RPH3AL: variants seen among roughly 807,000 people sequenced by gnomAD.
RPH3AL encodes rab effector Noc2.
RPH3AL carries 38 observed loss-of-function variants against 43.1 expected under a neutral mutation model. The ratio of observed to expected loss-of-function variants is 0.88; its 90% CI spans 0.68 to 1.15. The LOEUF is 1.15. Ranked by LOEUF, RPH3AL falls within the 50% of genes most tolerant of loss-of-function variation. RPH3AL has a pLI of 0.00. For synonymous variants in RPH3AL, 189 were observed against 176.3 expected, an observed-to-expected ratio of 1.07 and a Z score of -0.57; for missense variants, 462 against 423.2, an observed-to-expected ratio of 1.09 and a Z score of -0.81.
intron 6 of RPH3AL, among the ~76,000 whole-genome samples, chr17:270,827 G>A (rs1230816952): frequency 6.6e-6 from 1 of 152,198 alleles, no homozygotes; most frequent in South Asian, 2.1e-4. Flanking sequence ...TGCTTTTGGT[G>A]TTTTAGACAT....
intron 6 of RPH3AL, among the ~76,000 whole-genome samples, chr17:263,874 C>T (rs2042257175): frequency 2.0e-5 from 3 of 152,192 alleles, no homozygotes; most frequent in Admixed American, 6.5e-5. Context: ...CCCACCTAAC[C>T]GCCCGGAGTC....
At chr17:242,584 A>G (rs1286199556) in intron 7 of RPH3AL, among the ~76,000 whole-genome samples, 1 of 127,280 alleles carries the variant, frequency 7.9e-6, no homozygotes, top group Non-Finnish European at 1.6e-5. Context: ...ACCTTCCTCT[A>G]TTGACTACCT....
chr17:253,742 C>T (rs9910735), intron 6 of RPH3AL, among the ~76,000 whole-genome samples: 8,697 of 45,644 alleles, frequency 0.19, 1,121 homozygotes, highest in East Asian at 0.4. Flanking sequence ...TCCCTAGGAA[C>T]GTGACTACCC....
At position 247,159 on chromosome 17, in the gene RPH3AL, G is replaced by C. The variant is rs139915149; in HGVS notation, c.565C>G (p.Pro189Ala). Reference protein sequence around the residue: ...PLPTEPAEREPRSSETSRIYT... With the variant: ...PLPTEPAEREARSSETSRIYT... ...ATGCGGCTGGTCTCAGAGCTTCTGG[G>C]CTCTCGCTCTGCCGGTTCCGTGGGC... Residue 189 changes from proline (P) to alanine (A), a missense_variant, in exon 7 of 10, where the codon CCC becomes GCC. Physicochemically the swap from Pro to Ala is conservative, Grantham distance 27. Coordinates refer to ENST00000331302, the MANE Select transcript of RPH3AL (RefSeq NM_006987.4). The C allele has an allele frequency of 6.2e-7, 1 of 1,610,466 alleles. No individual in the cohort carries two copies. Among genetic ancestry groups the C allele is most frequent in the African/African-American group, 1.4e-5 (1 of 73,758 alleles).
At chr17:280,918 G>A (rs996936062) in intron 6 of RPH3AL, among the ~76,000 whole-genome samples, 17 of 152,118 alleles carry the variant, frequency 1.1e-4, no homozygotes, top group African/African-American at 3.1e-4. Flanking sequence ...GTGGATCCTC[G>A]GATGTGACAA....
chr17:224,316 C>T (rs1567563229), intron 7 of RPH3AL, among the ~76,000 whole-genome samples: 2 of 152,220 alleles, frequency 1.3e-5, no homozygotes, highest in Non-Finnish European at 2.9e-5. Context: ...TCCTGCATCC[C>T]ACGCCACCTG....
chr17:344,022 C>T (rs2045186945), intron 1 of RPH3AL, among the ~76,000 whole-genome samples: 1 of 79,064 alleles, frequency 1.3e-5, no homozygotes, highest in Non-Finnish European at 3.3e-5. Context: ...ACCATCATCA[C>T]TATCATCACC....
chr17:283,146 C>A lies in RPH3AL; in HGVS notation c.352-1292G>T, dbSNP rs1421688651. On this transcript the variant is annotated intron_variant, in intron 5 of 9. Coordinates refer to ENST00000331302, the MANE Select transcript of RPH3AL (RefSeq NM_006987.4). The surrounding 1 kb of genome is among the most constrained non-coding windows in gnomAD (Gnocchi z 4.2). The stretch of plus-strand genomic sequence containing the variant: ...CCACACGGAAGCCACCCGGTCCCTG[C>A]GTGGGTGGGGGCTCTCTGCAGCCCC... Among the ~76,000 whole-genome samples the A allele has an allele frequency of 1.4e-5, 2 of 147,864 alleles. No homozygotes were observed. The highest frequency in any genetic ancestry group is 5.1e-5 in the African/African-American group (2 of 39,194).
chr17:272,759 A>C (rs1340118152), intron 6 of RPH3AL, among the ~76,000 whole-genome samples: 1 of 99,630 alleles, frequency 1.0e-5, no homozygotes, highest in African/African-American at 3.2e-5. Context: ...AGTATTATTT[A>C]AGTCACACAC....
At position 321,293 on chromosome 17, in the gene RPH3AL, A is replaced by ACGT; in HGVS notation, c.197_199dup (p.Asp66dup). 2 of 1,608,914 alleles carry ACGT rather than the reference A, an allele frequency of 1.2e-6. No homozygotes were observed. Among genetic ancestry groups the ACGT allele is most frequent in the Non-Finnish European group, 1.7e-6 (2 of 1,179,730 alleles). The stretch of plus-strand genomic sequence containing the variant: ...TCACCCGATTCTCTGCTGCTCCAGG[A>ACGT]CGTCGAGCCGCTCTGCCCTCTGGAT... On this transcript the variant is annotated inframe_insertion, in exon 4 of 10. Coordinates refer to ENST00000331302, the MANE Select transcript of RPH3AL (RefSeq NM_006987.4).
At chr17:268,992 C>T (rs1344032086) in intron 6 of RPH3AL, among the ~76,000 whole-genome samples, 1 of 152,194 alleles carries the variant, frequency 6.6e-6, no homozygotes, top group Non-Finnish European at 1.5e-5. Flanking sequence ...CATTCTCCTG[C>T]CTCAGCCTCC....
intron 5 of RPH3AL, among the ~76,000 whole-genome samples, chr17:301,203 G>A (rs569477546): frequency 1.6e-4 from 25 of 152,364 alleles, no homozygotes; most frequent in Admixed American, 1.2e-3. Flanking sequence ...TCATTTCATC[G>A]GCCACCTTAT....
intron 6 of RPH3AL, among the ~76,000 whole-genome samples, chr17:259,879 T>C (rs1597959499): frequency 3.3e-5 from 5 of 152,326 alleles, no homozygotes; most frequent in Admixed American, 3.3e-4. Context: ...ATTACCATGA[T>C]AACAATTGCT....
chr17:254,396 G>T (rs368315775), intron 6 of RPH3AL, among the ~76,000 whole-genome samples: 4 of 5,674 alleles, frequency 7.0e-4, no homozygotes, highest in African/African-American at 4.3e-3. Flanking sequence ...CGTCTGTCCT[G>T]TTCCATCCCT....
At position 344,315 on chromosome 17, in the gene RPH3AL, TCATCAC is replaced by T. The variant is rs375998074; in HGVS notation, c.-213+8391_-213+8396del. 3.0e-3 allele frequency among the ~76,000 whole-genome samples: 384 copies of T among 129,602 alleles called. 37 individuals are homozygous for T. The highest frequency in any genetic ancestry group is 9.5e-3 in the African/African-American group (359 of 37,592). The allele number at this position is 129,602 out of a possible 152,430, so 85.0% of individuals were successfully genotyped here. On this transcript the variant is annotated intron_variant, in intron 1 of 9. Coordinates refer to ENST00000331302, the MANE Select transcript of RPH3AL (RefSeq NM_006987.4). ...TCGGTTACCACCACCATCACTATAA[TCATCAC>T]CATCACCATCACCGTCATCATTATT...
chr17:243,762 C>G (rs2041658898), intron 7 of RPH3AL, among the ~76,000 whole-genome samples: 1 of 149,016 alleles, frequency 6.7e-6, no homozygotes, highest in Admixed American at 6.7e-5. Flanking sequence ...TACCCTTCCT[C>G]TATTGACTAC....
In RPH3AL at chr17:321,425, G is replaced by T; in HGVS notation, c.78-10C>A. The T allele has an allele frequency of 3.8e-6, 6 of 1,595,944 alleles. No individual in the cohort carries two copies. Among genetic ancestry groups the T allele is most frequent in the Non-Finnish European group, 5.1e-6 (6 of 1,172,806 alleles). ...CCAGCCCGTCTGCAGCCTCGAGAGG[G>T]AACAGCACAGACGGCGTGGAGGCCT... On this transcript the variant is annotated splice_polypyrimidine_tract_variant and intron_variant, in intron 3 of 9. Coordinates refer to ENST00000331302, the MANE Select transcript of RPH3AL (RefSeq NM_006987.4).
chr17:335,871 C>G (rs2151723440), intron 1 of RPH3AL: 1 of 152,274 alleles, frequency 6.6e-6, no homozygotes, highest in African/African-American at 2.4e-5. Flanking sequence ...GCCCAGAGGG[C>G]TGGGTTGAAA....
chr17:315,083 A>C (rs2043902287), intron 5 of RPH3AL, among the ~76,000 whole-genome samples: 1 of 116,922 alleles, frequency 8.6e-6, no homozygotes. Flanking sequence ...CTCCACCTCC[A>C]CTGAATTGTA....
Sources: allele counts gnomAD v4.1 joint callset (sites outside exome capture counted in the v4.1 genomes callset), GRCh38; gene constraint gnomAD v4.1.1; non-coding constraint Gnocchi (gnomAD v3.1); transcripts MANE v1.5; gene names NCBI Gene and HGNC (gene_info 2026-07-23, HGNC 2026-07-21).